CPLANE1: variants seen among roughly 807,000 people sequenced by gnomAD.
The protein encoded by CPLANE1 is ciliogenesis and planar polarity effector complex subunit 1, also known as ciliogenesis and planar polarity effector 1.
A neutral mutation model predicts 362.5 loss-of-function variants in CPLANE1; 263 were observed. The observed-to-expected ratio is 0.73, with a 90% confidence interval of 0.66 to 0.80. CPLANE1 has a LOEUF of 0.80. CPLANE1 is among the 30% of genes least tolerant of loss of function. The pLI, the probability that CPLANE1 is intolerant of heterozygous loss-of-function variation, is 0.00. For missense variants in CPLANE1, 3,461 were observed against 3,793.4 expected (o/e 0.91, Z 2.30); for synonymous variants, 1,212 against 1,302.6 (o/e 0.93, Z 1.50).
At chr5:37,218,406 TG>T (rs988679532) in intron 15 of CPLANE1, among the ~76,000 whole-genome samples, 36 of 152,334 alleles carry the variant, frequency 2.4e-4, no homozygotes, top group African/African-American at 8.4e-4. Flanking sequence ...AGGGACATCC[TG>T]TGTGACTCTA....
At position 37,227,369 on chromosome 5, in the gene CPLANE1, C is replaced by T. The variant is rs767422140; in HGVS notation, c.1395G>A (p.Leu465=). 3.1e-5 allele frequency: 48 copies of T among 1,546,910 alleles called. No individual in the cohort carries two copies. The highest frequency in any genetic ancestry group is 4.1e-5 in the Non-Finnish European group (47 of 1,145,048). The change falls in exon 11 of 53, where the codon TTG becomes TTA. Residue 465 remains leucine, a synonymous_variant. Transcript: ENST00000651892. The stretch of plus-strand genomic sequence containing the variant: ...TAGACCTTAGGGAATTCAGTGATCG[C>T]AAGTTCAGTCCTTTGCCTTTTGGCT... ...LSKPKGKGLN[L]RSLNSLRSSL... is the part of the protein sequence containing the mutation.
rs975816148 is a variant in CPLANE1 at position 37,157,506 on chromosome 5, C to T, written c.8012-86G>A. ...GCATTCAAAGACTGATTCTAAACTTCTAAATAAGGTAATCCGAAGATTAAC... is the reference window on the plus strand; with the variant it reads ...GCATTCAAAGACTGATTCTAAACTTTTAAATAAGGTAATCCGAAGATTAAC... On this transcript the variant is annotated intron_variant, in intron 40 of 52. Transcript: ENST00000651892. 9.4e-6 allele frequency: 11 copies of T among 1,170,510 alleles called. No homozygotes were observed. In the African/African-American group the frequency reaches 1.1e-4, roughly 11 times the overall value. 72.5% of individuals were successfully genotyped at this position (1,170,510 alleles called of 1,614,324 possible). A position where few individuals can be genotyped will look rare whatever the true frequency, so the allele number is the denominator to read the frequency against.
chr5:37,193,303 G>A (rs1467777356), intron 21 of CPLANE1, among the ~76,000 whole-genome samples: 1 of 152,114 alleles, frequency 6.6e-6, no homozygotes, highest in Non-Finnish European at 1.5e-5. Context: ...AGGTACTCGA[G>A]TGCTTATACA....
In CPLANE1 at chr5:37,221,346, T is replaced by C. The variant is rs1317240597; in HGVS notation, c.2724A>G (p.Val908=). The C allele has an allele frequency of 1.3e-6, 2 of 1,493,358 alleles. No individual in the cohort carries two copies. Among genetic ancestry groups the C allele is most frequent in the Non-Finnish European group, 1.8e-6 (2 of 1,127,558 alleles). The allele number at this position is 1,493,358 out of a possible 1,614,324, so 92.5% of individuals were successfully genotyped here. The change falls in exon 15 of 53, where the codon GTA becomes GTG. Residue 908 remains valine, a synonymous_variant. Coordinates refer to ENST00000651892, the MANE Select transcript of CPLANE1 (RefSeq NM_001384732.1). ...TACCTGAAAAATCTTTATTTTCTTT[T>C]ACAGGTAGTTGGGACCATCTCAGGA... is the stretch of plus-strand genomic sequence containing the variant. ...REILRWSQLP[V]KENKDFSGAA...
chr5:37,109,706 G>A (rs915126374), intron 51 of CPLANE1, among the ~76,000 whole-genome samples: 1 of 152,170 alleles, frequency 6.6e-6, no homozygotes, highest in Admixed American at 6.6e-5. Flanking sequence ...CCCCAGGCTG[G>A]AATGCAGTGG....
chr5:37,139,784 A>C, intron 44 of CPLANE1: 2 of 886,094 alleles, frequency 2.3e-6, no homozygotes, highest in African/African-American at 3.6e-5. Context: ...TCCTGAGCTC[A>C]AGTGATTCAC....
At chr5:37,078,616 G>C in the CPLANE1 span, among the ~76,000 whole-genome samples, 1 of 152,182 alleles carries the variant, frequency 6.6e-6, no homozygotes, top group East Asian at 1.9e-4. Flanking sequence ...GATCTTTGGG[G>C]AATTGCCACA....
chr5:37,238,794 TGACA>T (rs1466287975), intron 8 of CPLANE1, 59 bp downstream of exon 8: 3 of 886,380 alleles, frequency 3.4e-6, no homozygotes, highest in African/African-American at 3.5e-5. Context: ...CTACCACACC[TGACA>T]GAGACCCATC....
downstream of CPLANE1, among the ~76,000 whole-genome samples, chr5:37,104,797 C>T (rs958016401): frequency 6.6e-6 from 1 of 151,524 alleles, no homozygotes; most frequent in African/African-American, 2.4e-5. Context: ...GTGGCAGGCG[C>T]CTGTAGTCCC....
chr5:37,137,586 G>A (rs1472389876), intron 46 of CPLANE1, among the ~76,000 whole-genome samples: 2 of 152,126 alleles, frequency 1.3e-5, no homozygotes, highest in Non-Finnish European at 2.9e-5. Flanking sequence ...ATTTATAAAC[G>A]AAAGAGGTGT....
the CPLANE1 span, among the ~76,000 whole-genome samples, chr5:37,087,518 G>A: frequency 1.3e-5 from 2 of 152,304 alleles, no homozygotes; most frequent in East Asian, 1.9e-4. Context: ...GTGCAGTGGC[G>A]CGATCTCGGC....
chr5:37,215,731 T>C (rs1194331381), intron 15 of CPLANE1, among the ~76,000 whole-genome samples: 1 of 148,716 alleles, frequency 6.7e-6, no homozygotes, highest in Non-Finnish European at 1.5e-5. Context: ...CGTTTTTCCT[T>C]CTCTTTCCTT....
chr5:37,151,351 G>C lies in CPLANE1; in HGVS notation c.8373+2389C>G, dbSNP rs1773505933. ...GCCACAGCTTCACTTACCCCGTCCA[G>C]TCACAACATGTCAGGCATATCTATG... On this transcript the variant is annotated intron_variant, in intron 42 of 52. Coordinates refer to ENST00000651892, the MANE Select transcript of CPLANE1 (RefSeq NM_001384732.1). Among the ~76,000 whole-genome samples the C allele has an allele frequency of 2.0e-5, 3 of 152,176 alleles. 1 individual carries two copies. The South Asian group carries it at 6.2e-4, about 32-fold the overall frequency.
At chr5:37,113,497 C>T (rs1759946276) in intron 51 of CPLANE1, among the ~76,000 whole-genome samples, 1 of 152,196 alleles carries the variant, frequency 6.6e-6, no homozygotes, top group Admixed American at 6.5e-5. Flanking sequence ...CAGACTAATA[C>T]ACAAGCACAG....
Position 37,209,327 on chromosome 5 carries a change from G to C in CPLANE1, c.2921-2902C>G, listed in dbSNP as rs1791913818. On this transcript the variant is annotated intron_variant, in intron 16 of 52. Coordinates refer to ENST00000651892, the MANE Select transcript of CPLANE1 (RefSeq NM_001384732.1). The surrounding 1 kb of genome is among the most constrained non-coding windows in gnomAD (Gnocchi z 4.6). ...GGGCACTAAACTCGGGCCACGGCGG[G>C]GCGAGCGAGGCGGGCTCCGGAGGAA... The C allele has an allele frequency of 5.9e-6, 5 of 851,128 alleles. No individual in the cohort carries two copies. The South Asian group carries it at 6.6e-5, about 11-fold the overall frequency. 52.7% of individuals were successfully genotyped at this position (851,128 alleles called of 1,614,324 possible).
chr5:37,166,854 A>C (rs1208854686), intron 35 of CPLANE1, among the ~76,000 whole-genome samples, 193 bp downstream of exon 35: 2 of 152,220 alleles, frequency 1.3e-5, no homozygotes, highest in Non-Finnish European at 2.9e-5. Flanking sequence ...ATGGGAAAAA[A>C]TTATAGTATT....
chr5:37,169,982 TG>T, intron 33 of CPLANE1, 58 bp downstream of exon 33: 1 of 1,538,294 alleles, frequency 6.5e-7, no homozygotes, highest in Non-Finnish European at 8.9e-7. Flanking sequence ...GCCAAAGTGC[TG>T]GGATTACAGA....
At chr5:37,232,962 T>C (rs1336064736) in intron 8 of CPLANE1, among the ~76,000 whole-genome samples, 1 of 151,504 alleles carries the variant, frequency 6.6e-6, no homozygotes, top group Non-Finnish European at 1.5e-5. Context: ...AAGTAGTAAG[T>C]AAGACTAAGA....
rs1796811450 is a variant in CPLANE1, at chr5:37,227,915, G to A, written c.1122-98C>T. The A allele has an allele frequency of 3.4e-6, 4 of 1,183,258 alleles. No individual in the cohort carries two copies. The African/African-American group carries it at 4.7e-5, about 14-fold the overall frequency. The allele number at this position is 1,183,258 out of a possible 1,614,324, so 73.3% of individuals were successfully genotyped here. ...AAAGAAGAAAAAGTTACAGAACAAT[G>A]AAAAAGCAAGCAAGTGAAACACACA... is the stretch of plus-strand genomic sequence containing the variant. On this transcript the variant is annotated intron_variant, in intron 9 of 52. Transcript: ENST00000651892.
Sources: allele counts gnomAD v4.1 joint callset (sites outside exome capture counted in the v4.1 genomes callset), GRCh38; gene constraint gnomAD v4.1.1; non-coding constraint Gnocchi (gnomAD v3.1); transcripts MANE v1.5; gene names NCBI Gene and HGNC (gene_info 2026-07-23, HGNC 2026-07-21).